Variants in CA8 observed in about 807,000 individuals in gnomAD.
CA8 encodes carbonic anhydrase-related protein.
A neutral mutation model predicts 41.4 loss-of-function variants in CA8; 22 were observed. That is an observed-to-expected ratio of 0.53 (90% confidence interval 0.38 to 0.76). The LOEUF is 0.76. Among genes scored for constraint, CA8 ranks in the 30% least tolerant of loss-of-function variants. The pLI is 0.00. For synonymous variants in CA8, 121 were observed against 130.6 expected (o/e 0.93, Z 0.50); for missense variants, 270 against 352.8 (o/e 0.77, Z 1.88).
intron 3 of CA8, among the ~76,000 whole-genome samples, chr8:60,241,967 C>T (rs1343790527): frequency 2.0e-5 from 3 of 152,080 alleles, no homozygotes; most frequent in Non-Finnish European, 2.9e-5. Context: ...ATGAGAGCCA[C>T]GATGATGAAA....
At chr8:60,260,215 C>A (rs1157525463) in intron 3 of CA8, among the ~76,000 whole-genome samples, 1 of 152,186 alleles carries the variant, frequency 6.6e-6, no homozygotes, top group African/African-American at 2.4e-5. Context: ...TCCCTCCTCC[C>A]CAGACCGCAG....
chr8:60,269,249 A>ATG (rs1173690270), intron 2 of CA8, among the ~76,000 whole-genome samples: 1 of 152,044 alleles, frequency 6.6e-6, no homozygotes, highest in African/African-American at 2.4e-5. Flanking sequence ...TTTTAAATAA[A>ATG]AAAACAAATC....
At chr8:60,273,598 C>A (rs561179207) in intron 2 of CA8, among the ~76,000 whole-genome samples, 23 of 152,190 alleles carry the variant, frequency 1.5e-4, no homozygotes, top group Non-Finnish European at 7.3e-5. Flanking sequence ...CCTTAAGAAA[C>A]CCTGTTATTT....
At chr8:60,225,622 C>A (rs1459176845) in intron 5 of CA8, among the ~76,000 whole-genome samples, 1 of 152,216 alleles carries the variant, frequency 6.6e-6, no homozygotes, top group African/African-American at 2.4e-5. Flanking sequence ...TCAGGATACC[C>A]TGGGCTGTGC....
chr8:60,247,276 T>C (rs1033103437), intron 3 of CA8, among the ~76,000 whole-genome samples: 2 of 149,398 alleles, frequency 1.3e-5, no homozygotes, highest in African/African-American at 2.6e-5. Context: ...GATTGTTACA[T>C]AGGTATACAT....
At chr8:60,261,077 G>T (rs183030416) in intron 3 of CA8, among the ~76,000 whole-genome samples, 2 of 151,790 alleles carry the variant, frequency 1.3e-5, no homozygotes, top group African/African-American at 2.4e-5. Context: ...ACCATGTGCC[G>T]CCTGGAAAGA....
rs1260999210 is a variant in CA8 at position 60,225,886 on chromosome 8, G to A, written c.576+987C>T. The stretch of plus-strand genomic sequence containing the variant: ...CGCCTGTAATCCCAGCACTTTGCAA[G>A]GCCGAGGTGGGTGGATCATGAGGTC... On this transcript the variant is annotated intron_variant, in intron 5 of 8. Transcript: ENST00000317995. Among the ~76,000 whole-genome samples the A allele has an allele frequency of 2.0e-5, 3 of 152,168 alleles. No individual in the cohort carries two copies. In the South Asian group the frequency reaches 6.2e-4, roughly 32 times the overall value.
intron 2 of CA8, 47 bp downstream of exon 2, chr8:60,279,642 G>C (rs369675880): frequency 1.3e-6 from 2 of 1,499,130 alleles, no homozygotes; most frequent in Admixed American, 3.3e-5. Flanking sequence ...ATAACTCTAC[G>C]CTGACTTCTA....
intron 8 of CA8, among the ~76,000 whole-genome samples, chr8:60,197,330 A>G (rs2130387692): frequency 6.6e-6 from 1 of 152,306 alleles, no homozygotes; most frequent in Non-Finnish European, 1.5e-5. Flanking sequence ...CTCATAAGAT[A>G]CATTACATAT....
chr8:60,215,484 C>T (rs548240385), intron 7 of CA8, among the ~76,000 whole-genome samples: 2 of 151,728 alleles, frequency 1.3e-5, no homozygotes, highest in Admixed American at 1.3e-4. Context: ...GGTGATGGGT[C>T]CACCAAAATC....
chr8:60,250,745 A>G (rs947022370), intron 3 of CA8, among the ~76,000 whole-genome samples: 4 of 152,242 alleles, frequency 2.6e-5, no homozygotes, highest in Non-Finnish European at 5.9e-5. Flanking sequence ...CATACACAGA[A>G]GACATTCAAT....
chr8:60,230,548 C>T (rs1427917418), intron 4 of CA8, among the ~76,000 whole-genome samples: 13 of 151,886 alleles, frequency 8.6e-5, no homozygotes, highest in African/African-American at 1.2e-4. Context: ...CCTGAGGACC[C>T]GACCCCCCCG....
At chr8:60,223,450 A>G (rs555598721) in intron 6 of CA8, among the ~76,000 whole-genome samples, 1 of 152,236 alleles carries the variant, frequency 6.6e-6, no homozygotes, top group South Asian at 2.1e-4. Context: ...ACACCACCAC[A>G]GCCAGCAATT....
At chr8:60,257,388 C>T (rs1172291113) in intron 3 of CA8, among the ~76,000 whole-genome samples, 1 of 152,190 alleles carries the variant, frequency 6.6e-6, no homozygotes, top group Admixed American at 6.5e-5. Context: ...GGAAACACAG[C>T]AGGGTTTACT....
At chr8:60,267,965 T>C in intron 2 of CA8, among the ~76,000 whole-genome samples, 1 of 152,166 alleles carries the variant, frequency 6.6e-6, no homozygotes, top group Non-Finnish European at 1.5e-5. Context: ...TCACAACTCA[T>C]TCCTTTCTCT....
chr8:60,250,733 A>G (rs1205852599), intron 3 of CA8, among the ~76,000 whole-genome samples: 1 of 152,238 alleles, frequency 6.6e-6, no homozygotes, highest in Non-Finnish European at 1.5e-5. Flanking sequence ...AACTGCCTAG[A>G]GCATACACAG....
In CA8 at chr8:60,187,579, G is replaced by A. The variant is rs1233520755; in HGVS notation, c.*2442C>T. On this transcript the variant is annotated 3_prime_UTR_variant, in exon 9 of 9. Transcript: ENST00000317995. ...CTCCTTGAAAAAAATCAATAAAATTGACAAGCCTTCAGCTAAACTAACCAA... is the reference window on the plus strand; with the variant it reads ...CTCCTTGAAAAAAATCAATAAAATTAACAAGCCTTCAGCTAAACTAACCAA... 1 of 151,946 alleles carries A rather than the reference G, an allele frequency of 6.6e-6. No homozygotes were observed. Among genetic ancestry groups the A allele is most frequent in the African/African-American group, 2.4e-5 (1 of 41,402 alleles). The allele number at this position is 151,946 out of a possible 1,614,324, so 9.4% of individuals were successfully genotyped here.
chr8:60,209,050 T>A, intron 7 of CA8, 131 bp from the exon 8 acceptor site: 8 of 1,057,942 alleles, frequency 7.6e-6, no homozygotes, highest in Admixed American at 4.9e-5. Context: ...AAATTAAGCT[T>A]CAAAAAGAAA....
rs1806028406 is a variant in CA8 at position 60,188,609 on chromosome 8, A to G, written c.*1412T>C. On this transcript the variant is annotated 3_prime_UTR_variant, in exon 9 of 9. Coordinates refer to ENST00000317995, the MANE Select transcript of CA8 (RefSeq NM_004056.6). ...CACTAGGAACTGTTATACACAAGGG[A>G]AGTCCAGGACCTCTCTCCGCTTTCA... 6.6e-6 allele frequency: 1 copy of G among 152,222 alleles called. No homozygotes were observed. Among genetic ancestry groups the G allele is most frequent in the South Asian group, 2.1e-4 (1 of 4,826 alleles). 9.4% of individuals were successfully genotyped at this position (152,222 alleles called of 1,614,324 possible).
Sources: allele counts gnomAD v4.1 joint callset (sites outside exome capture counted in the v4.1 genomes callset), GRCh38; gene constraint gnomAD v4.1.1; transcripts MANE v1.5; gene names NCBI Gene and HGNC (gene_info 2026-07-23, HGNC 2026-07-21).